Variants in CHST4 observed in about 807,000 individuals in gnomAD.
The protein encoded by CHST4 is carbohydrate sulfotransferase 4.
For synonymous variants in CHST4, 171 were observed against 195.5 expected, an observed-to-expected ratio of 0.87 and a Z score of 1.05; for missense variants, 466 against 506.0, an observed-to-expected ratio of 0.92 and a Z score of 0.76.
At chr16:71,534,234 AC>A (rs1347506131) in intron 1 of CHST4, among the ~76,000 whole-genome samples, 5 of 150,920 alleles carry the variant, frequency 3.3e-5, no homozygotes, top group African/African-American at 1.2e-4. Flanking sequence ...CCTATTAAAA[AC>A]TTTTTAGGCT....
At position 71,538,229 on chromosome 16, in the gene CHST4, T is replaced by G. The variant is rs2044008761; in HGVS notation, c.*391T>G. On this transcript the variant is annotated 3_prime_UTR_variant, in exon 2 of 2. Coordinates refer to ENST00000539698, the MANE Select transcript of CHST4 (RefSeq NM_001166395.2). The stretch of plus-strand genomic sequence containing the variant: ...GGGAATGGATCTTTCACCAAAGAGC[T>G]CACCAGCATTTTCCACAGAGATGCA... The G allele has an allele frequency of 5.2e-6, 1 of 190,918 alleles. No homozygotes were observed. The highest frequency in any genetic ancestry group is 1.2e-5 in the Non-Finnish European group (1 of 84,146). The allele number at this position is 190,918 out of a possible 1,614,324, so 11.8% of individuals were successfully genotyped here.
At position 71,537,234 on chromosome 16, in the gene CHST4, C is replaced by T. The variant is rs1300121216; in HGVS notation, c.557C>T (p.Ser186Phe). The change falls in exon 2 of 2, where the codon TCC (serine) becomes TTC (phenylalanine). Residue 186 changes from serine to phenylalanine, a missense_variant. Physicochemically the swap from Ser to Phe is radical, Grantham distance 155 (BLOSUM62 -2). Transcript: ENST00000539698. The surrounding 1 kb of genome is among the most constrained non-coding windows in gnomAD (Gnocchi z 4.2). ...LKEVRFFNLQSLYPLLKDPSL... is the reference protein window; with the variant it reads ...LKEVRFFNLQFLYPLLKDPSL... ...GAGGTGCGCTTCTTCAACCTGCAGT[C>T]CCTCTACCCGCTGCTGAAAGACCCC... 1.2e-6 allele frequency: 2 copies of T among 1,614,168 alleles called. No individual in the cohort carries two copies. Among genetic ancestry groups the T allele is most frequent in the South Asian group, 1.1e-5 (1 of 91,088 alleles).
intron 1 of CHST4, among the ~76,000 whole-genome samples, chr16:71,530,243 G>A (rs2043938031): frequency 2.6e-5 from 4 of 152,120 alleles, no homozygotes; most frequent in Admixed American, 2.6e-4. Flanking sequence ...GATTCTTGAA[G>A]GAATAGTAGC....
intron 1 of CHST4, among the ~76,000 whole-genome samples, chr16:71,530,943 C>T (rs976167553): frequency 6.6e-6 from 1 of 151,782 alleles, no homozygotes. Flanking sequence ...TAGCTGGGCA[C>T]GGTGGTGGGC....
At chr16:71,527,758 G>GAAAAAA (rs1340198280) in intron 1 of CHST4, among the ~76,000 whole-genome samples, 2 of 150,572 alleles carry the variant, frequency 1.3e-5, no homozygotes, top group African/African-American at 4.9e-5. Context: ...AAAGAAAAAA[G>GAAAAAA]AAAAGAAAAA....
Position 71,529,908 on chromosome 16 carries a change from C to T in CHST4, c.-19+3413C>T, listed in dbSNP as rs539647860. Among the ~76,000 whole-genome samples, 12 of 151,868 alleles carry T rather than the reference C, an allele frequency of 7.9e-5. No homozygotes were observed. In the South Asian group the frequency reaches 2.5e-3, roughly 32 times the overall value. On this transcript the variant is annotated intron_variant, in intron 1 of 1. Coordinates refer to ENST00000539698, the MANE Select transcript of CHST4 (RefSeq NM_001166395.2). The stretch of plus-strand genomic sequence containing the variant: ...CACACCTGTGATCCCAGCACTTTGG[C>T]AGGCCGAGGCGGGAGAATCACCTGA...
intron 1 of CHST4, among the ~76,000 whole-genome samples, chr16:71,530,255 G>A (rs1310452215): frequency 6.6e-6 from 1 of 152,102 alleles, no homozygotes; most frequent in Non-Finnish European, 1.5e-5. Context: ...AATAGTAGCT[G>A]TCCTGCAAAA....
intron 1 of CHST4, among the ~76,000 whole-genome samples, chr16:71,529,587 C>T (rs1240305298): frequency 3.5e-5 from 3 of 86,632 alleles, no homozygotes. Context: ...GACCAAGTTT[C>T]GCTCTGTTGA....
intron 1 of CHST4, among the ~76,000 whole-genome samples, chr16:71,533,442 C>CA (rs1328003575): frequency 3.2e-4 from 35 of 111,108 alleles, no homozygotes; most frequent in East Asian, 1.2e-3. Flanking sequence ...AAAAAAAAAA[C>CA]AAAAAAAAAA....
intron 1 of CHST4, among the ~76,000 whole-genome samples, chr16:71,531,143 G>A (rs997550019): frequency 6.6e-6 from 1 of 152,186 alleles, no homozygotes; most frequent in Admixed American, 6.5e-5. Context: ...AGAGACAGAA[G>A]AGAAAGGTCG....
intron 1 of CHST4, among the ~76,000 whole-genome samples, chr16:71,536,008 G>C (rs189175608): frequency 6.6e-6 from 1 of 152,246 alleles, no homozygotes; most frequent in Non-Finnish European, 1.5e-5. Flanking sequence ...TAGATGACAG[G>C]CACCATGAGC....
intron 1 of CHST4, among the ~76,000 whole-genome samples, chr16:71,527,474 C>T (rs1440566812): frequency 2.0e-5 from 3 of 152,110 alleles, no homozygotes; most frequent in Admixed American, 6.5e-5. Context: ...TAGCCAGGCG[C>T]GATGGCTCGC....
In CHST4 at chr16:71,538,426, A is replaced by G. The variant is rs943128043; in HGVS notation, c.*588A>G. 1.2e-5 allele frequency: 2 copies of G among 167,352 alleles called. No individual in the cohort carries two copies. Among genetic ancestry groups the G allele is most frequent in the Admixed American group, 1.3e-4 (2 of 15,300 alleles). The allele number at this position is 167,352 out of a possible 1,614,324, so 10.4% of individuals were successfully genotyped here. A position where few individuals can be genotyped will look rare whatever the true frequency, so the allele number is the denominator to read the frequency against. On this transcript the variant is annotated 3_prime_UTR_variant, in exon 2 of 2. Coordinates refer to ENST00000539698, the MANE Select transcript of CHST4 (RefSeq NM_001166395.2). ...CACAGGGTGCCTGGGCTGCATTTGAATATCACTTCCCCTCTGCATTTTCCC... is the reference window on the plus strand; with the variant it reads ...CACAGGGTGCCTGGGCTGCATTTGAGTATCACTTCCCCTCTGCATTTTCCC...
In CHST4 at chr16:71,537,767, T is replaced by G. The variant is rs1380657138; in HGVS notation, c.1090T>G (p.Ser364Ala). ...TTTGCTGGGCTACCGCCACGTCAGATCTGAACAAGAACAGAGAAACCTGTT... is the reference window on the plus strand; with the variant it reads ...TTTGCTGGGCTACCGCCACGTCAGAGCTGAACAAGAACAGAGAAACCTGTT... ...MNLLGYRHVR[S>A]EQEQRNLLLD... is the part of the protein sequence containing the mutation. Residue 364 changes from serine (S) to alanine (A), a missense_variant, in exon 2 of 2, where the codon TCT becomes GCT. Transcript: ENST00000539698. This position sits in a 1 kb window ranked among gnomAD's most constrained non-coding sequence, Gnocchi z 4.2. The G allele has an allele frequency of 6.2e-7, 1 of 1,614,186 alleles. No individual in the cohort carries two copies. Among genetic ancestry groups the G allele is most frequent in the East Asian group, 2.2e-5 (1 of 44,890 alleles).
At chr16:71,527,702 C>T (rs1220428586) in intron 1 of CHST4, among the ~76,000 whole-genome samples, 1 of 152,000 alleles carries the variant, frequency 6.6e-6, no homozygotes, top group African/African-American at 2.4e-5. Context: ...CGAGATCCTG[C>T]CATTGCACTC....
chr16:71,538,056 C>T lies in CHST4; in HGVS notation c.*218C>T. Reference sequence around the variant, plus strand: ...AACCTTATGTGAGCAGCACATCCCACCAGTGAAACAGGGTATTGCTCTTCT... The same window carrying T: ...AACCTTATGTGAGCAGCACATCCCATCAGTGAAACAGGGTATTGCTCTTCT... On this transcript the variant is annotated 3_prime_UTR_variant, in exon 2 of 2. Coordinates refer to ENST00000539698, the MANE Select transcript of CHST4 (RefSeq NM_001166395.2). 1.7e-6 allele frequency: 1 copy of T among 585,744 alleles called. No individual in the cohort carries two copies. The highest frequency in any genetic ancestry group is 3.1e-6 in the Non-Finnish European group (1 of 323,968). 36.3% of individuals were successfully genotyped at this position (585,744 alleles called of 1,614,324 possible).
chr16:71,531,286 C>T (rs945596395), intron 1 of CHST4, among the ~76,000 whole-genome samples: 1 of 151,998 alleles, frequency 6.6e-6, no homozygotes, highest in Non-Finnish European at 1.5e-5. Context: ...CTGCCAGGGC[C>T]CAGGAGCATC....
chr16:71,536,801 C>G lies in CHST4; in HGVS notation c.124C>G (p.Arg42Gly), dbSNP rs140047105. Residue 42 changes from arginine (R) to glycine (G), a missense_variant, in exon 2 of 2, where the codon CGC (arginine) becomes GGC (glycine). Physicochemically the swap from Arg to Gly is moderately radical, Grantham distance 125. Transcript: ENST00000539698. ...SSLSMKAQPE[R>G]MHVLVLSSWR... is the part of the protein sequence containing the mutation. ...CCTGTCTATGAAGGCACAGCCCGAGCGCATGCACGTGCTGGTTCTGTCTTC... is the reference window on the plus strand; with the variant it reads ...CCTGTCTATGAAGGCACAGCCCGAGGGCATGCACGTGCTGGTTCTGTCTTC... 2 of 1,528,158 alleles carry G rather than the reference C, an allele frequency of 1.3e-6. No homozygotes were observed. Among genetic ancestry groups the G allele is most frequent in the South Asian group, 1.3e-5 (1 of 76,234 alleles). 94.7% of individuals were successfully genotyped at this position (1,528,158 alleles called of 1,614,324 possible). A position where few individuals can be genotyped will look rare whatever the true frequency, so the allele number is the denominator to read the frequency against.
intron 1 of CHST4, among the ~76,000 whole-genome samples, chr16:71,528,104 T>C (rs939896301): frequency 2.0e-5 from 3 of 151,924 alleles, no homozygotes; most frequent in Non-Finnish European, 2.9e-5. Flanking sequence ...GGCAAAACCA[T>C]GTCTGTACTA....
Sources: gnomAD v4.1 joint callset for allele counts (sites outside exome capture counted in the v4.1 genomes callset) on GRCh38, gnomAD v4.1.1 for gene constraint, Gnocchi (gnomAD v3.1) non-coding constraint, MANE v1.5 for transcripts, NCBI Gene and HGNC (gene_info 2026-07-23, HGNC 2026-07-21) for gene names.